The following PDE2A variants were observed in gnomAD, a reference collection of about 807,000 sequenced individuals.
The protein encoded by PDE2A is phosphodiesterase 2A.
PDE2A carries 53 observed loss-of-function variants against 133.6 expected under a neutral mutation model. That is an observed-to-expected ratio of 0.40 (90% confidence interval 0.32 to 0.50). PDE2A has a LOEUF of 0.50. Among genes scored for constraint, PDE2A ranks in the 20% least tolerant of loss-of-function variants. The pLI is 0.73. For missense variants in PDE2A, 796 were observed against 1,232.4 expected (o/e 0.65, Z 5.30); for synonymous variants, 491 against 490.2 (o/e 1.00, Z -0.02).
At chr11:72,612,856 C>A (rs79784063) in intron 2 of PDE2A, among the ~76,000 whole-genome samples, 59 of 152,286 alleles carry the variant, frequency 3.9e-4, no homozygotes, top group African/African-American at 1.4e-3. Context: ...TTTCATTCAC[C>A]CCAGGTACCA....
At chr11:72,596,507 C>A in intron 6 of PDE2A, 86 bp downstream of exon 6, 2 of 605,836 alleles carry the variant, frequency 3.3e-6, no homozygotes, top group Non-Finnish European at 5.4e-6. Flanking sequence ...CACACACACA[C>A]ACACACACAC....
Position 72,588,876 on chromosome 11 carries a change from C to T in PDE2A, c.978G>A (p.Glu326=). Reference sequence around the variant, plus strand: ...CAGGGACACAGAGCATGGCCTGCAGCTCACAGCCCAACATGCTCTGCAGCT... The same window carrying T: ...CAGGGACACAGAGCATGGCCTGCAGTTCACAGCCCAACATGCTCTGCAGCT... ...VQQLQSMLGC[E]LQAMLCVPVI... Residue 326 remains glutamate (E), a synonymous_variant, in exon 13 of 31, where the codon GAG becomes GAA. Transcript: ENST00000334456. 4 of 1,611,156 alleles carry T rather than the reference C, an allele frequency of 2.5e-6. No individual in the cohort carries two copies. Among genetic ancestry groups the T allele is most frequent in the Non-Finnish European group, 1.7e-6 (2 of 1,178,036 alleles).
intron 1 of PDE2A, among the ~76,000 whole-genome samples, chr11:72,651,056 A>C (rs909310033): frequency 2.6e-5 from 4 of 152,310 alleles, no homozygotes; most frequent in African/African-American, 9.6e-5. Context: ...GGGAGGCCCC[A>C]GTCTATGGCT....
chr11:72,618,591 C>G (rs1449089082), intron 2 of PDE2A, among the ~76,000 whole-genome samples: 1 of 152,322 alleles, frequency 6.6e-6, no homozygotes, highest in South Asian at 2.1e-4. Flanking sequence ...CCTTCTTTGC[C>G]CCCCTTCATG....
rs200264211 is a variant in PDE2A, at chr11:72,597,211, C to T, written c.433+299G>A. Among the ~76,000 whole-genome samples, 109 of 152,340 alleles carry T rather than the reference C, an allele frequency of 7.2e-4. No homozygotes were observed. The highest frequency in any genetic ancestry group is 2.5e-3 in the African/African-American group (105 of 41,574). ...CACAGGCACATCACAACCACAGCCA[C>T]GGGCCACTGAGCCCTCGCTTGTGCC... is the stretch of plus-strand genomic sequence containing the variant. On this transcript the variant is annotated intron_variant, in intron 5 of 30. Transcript: ENST00000334456. The surrounding 1 kb of genome is among the most constrained non-coding windows in gnomAD (Gnocchi z 4.6).
chr11:72,604,352 A>G (rs1856880719), intron 4 of PDE2A, among the ~76,000 whole-genome samples: 1 of 152,188 alleles, frequency 6.6e-6, no homozygotes, highest in Non-Finnish European at 1.5e-5. Flanking sequence ...GTCATGTCTC[A>G]TGATATCCAC....
At chr11:72,617,478 G>A (rs1357002114) in intron 2 of PDE2A, among the ~76,000 whole-genome samples, 2 of 152,196 alleles carry the variant, frequency 1.3e-5, no homozygotes, top group Non-Finnish European at 2.9e-5. Flanking sequence ...CGCTCTCTCT[G>A]TGCCTGGCCA....
chr11:72,641,402 G>A (rs991945635), intron 2 of PDE2A, among the ~76,000 whole-genome samples: 1 of 152,238 alleles, frequency 6.6e-6, no homozygotes, highest in African/African-American at 2.4e-5. Flanking sequence ...CAAAGCAGAG[G>A]TAGATACAAG....
chr11:72,588,568 A>C (rs1003605829), intron 13 of PDE2A, among the ~76,000 whole-genome samples: 1 of 152,182 alleles, frequency 6.6e-6, no homozygotes, highest in Non-Finnish European at 1.5e-5. Context: ...ATACCCCAAG[A>C]GCAGATTACC....
At chr11:72,594,451 G>C (rs1856383085) in intron 6 of PDE2A, among the ~76,000 whole-genome samples, 1 of 152,134 alleles carries the variant, frequency 6.6e-6, no homozygotes, top group Non-Finnish European at 1.5e-5. Context: ...GCCTTGGGGA[G>C]GGGGCATCCT....
chr11:72,634,920 G>A (rs551410529), intron 2 of PDE2A, among the ~76,000 whole-genome samples: 2 of 152,376 alleles, frequency 1.3e-5, no homozygotes, highest in African/African-American at 4.8e-5. Flanking sequence ...GCCCTCGAAG[G>A]CAGGGGTTCA....
chr11:72,584,167 T>TCCCCCCCCCCCCCCCCCCC, intron 19 of PDE2A, 34 bp downstream of exon 19: 2 of 554,884 alleles, frequency 3.6e-6, no homozygotes, highest in Non-Finnish European at 3.4e-6. Flanking sequence ...CCGCCCCCTA[T>TCCCCCCCCCCCCCCCCCCC]CACCCCACAC....
At chr11:72,615,210 C>T (rs898659332) in intron 2 of PDE2A, 10 of 382,426 alleles carry the variant, frequency 2.6e-5, no homozygotes, top group East Asian at 1.4e-4. Flanking sequence ...TCCCTTCCAG[C>T]GCCCACAACC....
In PDE2A at chr11:72,616,263, T is replaced by C. The variant is rs117106787; in HGVS notation, c.145-7512A>G. On this transcript the variant is annotated intron_variant, in intron 2 of 30. Coordinates refer to ENST00000334456, the MANE Select transcript of PDE2A (RefSeq NM_002599.5). The stretch of plus-strand genomic sequence containing the variant: ...TTCTCTGGATCCCCTCCAGGGAGAG[T>C]CTGTTGTTGTTCTCTCTCCAGGCAA... Among the ~76,000 whole-genome samples, 660 of 151,658 alleles carry C rather than the reference T, an allele frequency of 4.4e-3. 5 individuals carry two copies. Among genetic ancestry groups the C allele is most frequent in the Non-Finnish European group, 6.7e-3 (454 of 67,896 alleles).
At chr11:72,650,547 G>A (rs1234812299) in intron 1 of PDE2A, among the ~76,000 whole-genome samples, 1 of 152,040 alleles carries the variant, frequency 6.6e-6, no homozygotes, top group Non-Finnish European at 1.5e-5. Flanking sequence ...CCTCACCGCA[G>A]ATAAAGGTCC....
At chr11:72,650,020 T>C (rs901406184) in intron 1 of PDE2A, among the ~76,000 whole-genome samples, 5 of 82,276 alleles carry the variant, frequency 6.1e-5, no homozygotes, top group African/African-American at 1.7e-4. Context: ...GCCCTGAGAC[T>C]TTTTTTTTTT....
intron 2 of PDE2A, chr11:72,636,154 C>A: frequency 8.7e-7 from 1 of 1,151,286 alleles, no homozygotes; most frequent in Non-Finnish European, 1.1e-6. Flanking sequence ...AGGAGGGGCC[C>A]TGCCGGCTAC....
At chr11:72,618,291 C>A (rs943535423) in intron 2 of PDE2A, among the ~76,000 whole-genome samples, 1 of 152,244 alleles carries the variant, frequency 6.6e-6, no homozygotes, top group South Asian at 2.1e-4. Context: ...TCCAGCCTCC[C>A]CACTCCCAGC....
chr11:72,594,835 G>A (rs1003836330), intron 6 of PDE2A, among the ~76,000 whole-genome samples: 1 of 152,154 alleles, frequency 6.6e-6, no homozygotes, highest in African/African-American at 2.4e-5. Context: ...ACCACTTGCT[G>A]CTCCAGGCTT....
Sources: gnomAD v4.1 joint callset for allele counts (sites outside exome capture counted in the v4.1 genomes callset) on GRCh38, gnomAD v4.1.1 for gene constraint, Gnocchi (gnomAD v3.1) non-coding constraint, MANE v1.5 for transcripts, NCBI Gene and HGNC (gene_info 2026-07-23, HGNC 2026-07-21) for gene names.